Variants in SCGN observed in about 807,000 individuals in gnomAD.
SCGN encodes the protein secretagogin.
In SCGN, 30 loss-of-function variants were observed where a neutral mutation model predicts 39.7. The observed-to-expected ratio is 0.76, with a 90% confidence interval of 0.57 to 1.03. The LOEUF (loss-of-function observed/expected upper bound fraction) is 1.03. SCGN is among the 50% of genes least tolerant of loss of function. SCGN has a pLI of 0.00. For synonymous variants in SCGN, 106 were observed against 114.1 expected (o/e 0.93, Z 0.45); for missense variants, 353 against 349.4 (o/e 1.01, Z -0.08).
Position 25,689,544 on chromosome 6 carries a change from T to C in SCGN, c.633+12T>C. 1 of 1,611,364 alleles carries C rather than the reference T, an allele frequency of 6.2e-7. No individual in the cohort carries two copies. The highest frequency in any genetic ancestry group is 8.5e-7 in the Non-Finnish European group (1 of 1,177,578). On this transcript the variant is annotated intron_variant, in intron 9 of 10. Coordinates refer to ENST00000377961, the MANE Select transcript of SCGN (RefSeq NM_006998.4). ...CCTACTATGATGTTGTAAGTGTGCGTCTTTATACTGTGCTGGCCATCTCTG... is the reference window on the plus strand; with the variant it reads ...CCTACTATGATGTTGTAAGTGTGCGCCTTTATACTGTGCTGGCCATCTCTG...
chr6:25,657,104 T>C (rs868744375), intron 2 of SCGN, among the ~76,000 whole-genome samples: 1 of 152,202 alleles, frequency 6.6e-6, no homozygotes, highest in Non-Finnish European at 1.5e-5. Flanking sequence ...ACAAAATCTT[T>C]AGTGCTGAAA....
At chr6:25,691,514 AT>A (rs796479403) in intron 10 of SCGN, among the ~76,000 whole-genome samples, 13 of 149,256 alleles carry the variant, frequency 8.7e-5, no homozygotes, top group African/African-American at 9.8e-5. Flanking sequence ...TCAGAATTCT[AT>A]TTTTTTTTTA....
At chr6:25,691,304 TG>T (rs1384668707) in intron 10 of SCGN, among the ~76,000 whole-genome samples, 180 bp downstream of exon 10, 1 of 152,238 alleles carries the variant, frequency 6.6e-6, no homozygotes, top group Non-Finnish European at 1.5e-5. Flanking sequence ...TTCTTAAGAT[TG>T]TAGTTTAAAT....
At position 25,653,423 on chromosome 6, in the gene SCGN, C is replaced by T; in HGVS notation, c.124C>T (p.Leu42Phe). 6.2e-7 allele frequency: 1 copy of T among 1,613,208 alleles called. No homozygotes were observed. The highest frequency in any genetic ancestry group is 8.5e-7 in the Non-Finnish European group (1 of 1,179,422). ...AGAGAAGGAACTCGATGCTTTCTTT[C>T]TCCACATGTTGATGAAACTGGGTAC... ...IEEKELDAFF[L>F]HMLMKLGTDD... is the part of the protein sequence containing the mutation. The change falls in exon 2 of 11, where the codon CTC becomes TTC. Residue 42 changes from leucine (L) to phenylalanine (F), a missense_variant. Transcript: ENST00000377961.
chr6:25,653,135 T>C (rs918541533), intron 1 of SCGN, among the ~76,000 whole-genome samples: 1 of 152,218 alleles, frequency 6.6e-6, no homozygotes, highest in Non-Finnish European at 1.5e-5. Context: ...TTAAAATTCA[T>C]GTACTTAATA....
At chr6:25,666,364 AC>A (rs1319242913) in intron 4 of SCGN, among the ~76,000 whole-genome samples, 1 of 152,130 alleles carries the variant, frequency 6.6e-6, no homozygotes, top group Non-Finnish European at 1.5e-5. Flanking sequence ...TCAAAAAAAA[AC>A]AAAAATTCTA....
intron 10 of SCGN, among the ~76,000 whole-genome samples, chr6:25,700,604 T>C (rs1282600752): frequency 6.6e-6 from 1 of 152,204 alleles, no homozygotes; most frequent in Non-Finnish European, 1.5e-5. Flanking sequence ...TTACATGAAA[T>C]AACCTATGGA....
In SCGN at chr6:25,691,130, T is replaced by C. The variant is rs781451904; in HGVS notation, c.702+6T>C. 55 of 1,607,388 alleles carry C rather than the reference T, an allele frequency of 3.4e-5. No individual in the cohort carries two copies. The highest frequency in any genetic ancestry group is 4.4e-5 in the Non-Finnish European group (52 of 1,174,410). On this transcript the variant is annotated splice_donor_region_variant and intron_variant, in intron 10 of 10. Coordinates refer to ENST00000377961, the MANE Select transcript of SCGN (RefSeq NM_006998.4). ...ACATGATGGAGCTTGTCCAGGTGAG[T>C]GCACGTTCTTCTTATTATGAAGTGG...
chr6:25,692,579 C>T (rs2151383049), intron 10 of SCGN, among the ~76,000 whole-genome samples: 1 of 152,358 alleles, frequency 6.6e-6, no homozygotes, highest in South Asian at 2.1e-4. Flanking sequence ...CTCCCTTCTT[C>T]TTTGCTCCCC....
chr6:25,657,419 T>A (rs1760246500), intron 2 of SCGN, among the ~76,000 whole-genome samples: 2 of 152,272 alleles, frequency 1.3e-5, no homozygotes, highest in Middle Eastern at 3.4e-3. Flanking sequence ...ATTAGAATAA[T>A]GTTTTGGCCT....
chr6:25,658,002 CCT>C (rs1561759797), intron 2 of SCGN, among the ~76,000 whole-genome samples: 3 of 47,674 alleles, frequency 6.3e-5, no homozygotes, highest in African/African-American at 7.5e-5. Context: ...AGAAAGGTAT[CCT>C]TTTTTTTTTT....
chr6:25,684,356 C>T lies in SCGN; in HGVS notation c.527+2350C>T, dbSNP rs140817514. Among the ~76,000 whole-genome samples, 16 of 152,228 alleles carry T rather than the reference C, an allele frequency of 1.1e-4. No individual in the cohort carries two copies. The East Asian group carries it at 3.1e-3, about 29-fold the overall frequency. ...CTCTGGGGATTGGTTCCAGAACCTC[C>T]GCGGATACCAGATACCCAAATCCTC... is the stretch of plus-strand genomic sequence containing the variant. On this transcript the variant is annotated intron_variant, in intron 7 of 10. Transcript: ENST00000377961.
chr6:25,694,521 C>G (rs1413600141), intron 10 of SCGN, among the ~76,000 whole-genome samples: 3 of 152,194 alleles, frequency 2.0e-5, no homozygotes, highest in Non-Finnish European at 2.9e-5. Flanking sequence ...TGGGGCAGCA[C>G]AAAGGCACCT....
chr6:25,696,051 G>A (rs1759833220), intron 10 of SCGN, among the ~76,000 whole-genome samples: 1 of 152,140 alleles, frequency 6.6e-6, no homozygotes, highest in African/African-American at 2.4e-5. Flanking sequence ...TTTCCTTGAT[G>A]GACAACCCAT....
intron 10 of SCGN, among the ~76,000 whole-genome samples, chr6:25,693,379 G>A (rs968060664): frequency 8.1e-5 from 12 of 147,866 alleles, no homozygotes; most frequent in African/African-American, 2.3e-4. Flanking sequence ...GTGAACCTGG[G>A]AGGCAGAGCT....
intron 3 of SCGN, among the ~76,000 whole-genome samples, 163 bp from the exon 4 acceptor site, chr6:25,664,780 A>G (rs1223748806): frequency 1.3e-5 from 2 of 152,178 alleles, no homozygotes; most frequent in Non-Finnish European, 2.9e-5. Context: ...CAATGAATCA[A>G]AGAATGTCAA....
Position 25,661,544 on chromosome 6 carries a change from A to G in SCGN, c.154-8A>G, listed in dbSNP as rs1177693462. The G allele has an allele frequency of 6.2e-7, 1 of 1,607,990 alleles. No homozygotes were observed. Among genetic ancestry groups the G allele is most frequent in the East Asian group, 2.2e-5 (1 of 44,818 alleles). On this transcript the variant is annotated splice_region_variant and splice_polypyrimidine_tract_variant and intron_variant, in intron 2 of 10. Transcript: ENST00000377961. ...GGCTTTAATGTGGCTCTGTTTGGTC[A>G]ATTGCAGGACACGGTCATGAAAGCA...
chr6:25,693,983 G>A (rs1182059425), intron 10 of SCGN, among the ~76,000 whole-genome samples: 1 of 152,128 alleles, frequency 6.6e-6, no homozygotes, highest in Non-Finnish European at 1.5e-5. Flanking sequence ...ATTACAGGAG[G>A]AAAATCTGTA....
At chr6:25,667,298 G>T (rs1223398185) in intron 4 of SCGN, among the ~76,000 whole-genome samples, 2 of 151,960 alleles carry the variant, frequency 1.3e-5, no homozygotes, top group African/African-American at 2.4e-5. Context: ...TCCTGCCTTT[G>T]TAGTTTGTCA....
Sources: allele counts gnomAD v4.1 joint callset (sites outside exome capture counted in the v4.1 genomes callset), GRCh38; gene constraint gnomAD v4.1.1; transcripts MANE v1.5; gene names NCBI Gene and HGNC (gene_info 2026-07-23, HGNC 2026-07-21).